The following MYO5B variants were observed in gnomAD, a reference collection of about 807,000 sequenced individuals.
MYO5B encodes the protein unconventional myosin-Vb.
A neutral mutation model predicts 229.3 loss-of-function variants in MYO5B; 143 were observed. That is an observed-to-expected ratio of 0.62 (90% CI 0.54 to 0.72). The LOEUF (loss-of-function observed/expected upper bound fraction) is 0.72. Among genes scored for constraint, MYO5B ranks in the 30% least tolerant of loss-of-function variants. The pLI, the probability that MYO5B is intolerant of heterozygous loss-of-function variation, is 0.00. For missense variants in MYO5B, 2,321 were observed against 2,331.0 expected, an observed-to-expected ratio of 1.00 and a Z score of 0.09; for synonymous variants, 918 against 885.2, an observed-to-expected ratio of 1.04 and a Z score of -0.66.
chr18:49,985,552 A>G (rs1476458452), intron 7 of MYO5B, among the ~76,000 whole-genome samples: 1 of 152,216 alleles, frequency 6.6e-6, no homozygotes, highest in Non-Finnish European at 1.5e-5. Flanking sequence ...AGCAGGGCTT[A>G]AAAGTGAGCA....
intron 1 of MYO5B, among the ~76,000 whole-genome samples, chr18:50,092,341 T>C (rs1164019180): frequency 6.6e-6 from 1 of 152,026 alleles, no homozygotes; most frequent in Non-Finnish European, 1.5e-5. Flanking sequence ...GAAGAATGGG[T>C]CTTGCATTTG....
chr18:50,059,297 G>A (rs896971187), intron 1 of MYO5B, among the ~76,000 whole-genome samples: 7 of 152,190 alleles, frequency 4.6e-5, no homozygotes, highest in African/African-American at 1.7e-4. Context: ...ACATGGAGAT[G>A]TAGCTCCTGA....
At chr18:50,056,972 T>C (rs2144420618) in intron 1 of MYO5B, among the ~76,000 whole-genome samples, 1 of 152,342 alleles carries the variant, frequency 6.6e-6, no homozygotes, top group Non-Finnish European at 1.5e-5. Flanking sequence ...ACCTTCTCCC[T>C]GCTTCTTAAG....
intron 27 of MYO5B, among the ~76,000 whole-genome samples, chr18:49,868,061 CAT>C (rs1316991395): frequency 6.6e-6 from 1 of 151,446 alleles, no homozygotes; most frequent in African/African-American, 2.4e-5. Flanking sequence ...TTTACAAAGA[CAT>C]GTAGAAAAAT....
chr18:50,167,053 C>A (rs987330952), intron 1 of MYO5B, among the ~76,000 whole-genome samples: 1 of 152,186 alleles, frequency 6.6e-6, no homozygotes, highest in Non-Finnish European at 1.5e-5. Flanking sequence ...AAGATCTAAA[C>A]GAGTTAACTG....
intron 10 of MYO5B, among the ~76,000 whole-genome samples, chr18:49,974,052 C>T (rs1417998437): frequency 6.6e-6 from 1 of 152,192 alleles, no homozygotes; most frequent in East Asian, 1.9e-4. Flanking sequence ...CCTCTCTTGG[C>T]CTCACTTTCT....
chr18:49,907,056 AGAAG>A (rs1331820260), intron 18 of MYO5B, among the ~76,000 whole-genome samples: 1 of 152,150 alleles, frequency 6.6e-6, no homozygotes, highest in Non-Finnish European at 1.5e-5. Context: ...ACCACAGAAA[AGAAG>A]GAAGGAGGAA....
At chr18:49,935,540 G>A (rs1178401143) in intron 16 of MYO5B, among the ~76,000 whole-genome samples, 1 of 152,208 alleles carries the variant, frequency 6.6e-6, no homozygotes, top group Non-Finnish European at 1.5e-5. Flanking sequence ...CATTCTTGGG[G>A]GGTGGCAGGA....
At chr18:50,069,041 AT>A (rs1322087699) in intron 1 of MYO5B, among the ~76,000 whole-genome samples, 8 of 152,238 alleles carry the variant, frequency 5.3e-5, no homozygotes, top group Admixed American at 4.6e-4. Context: ...AGGTTCTATC[AT>A]TATTTAGCAG....
chr18:50,098,548 G>A (rs1341784072), intron 1 of MYO5B, among the ~76,000 whole-genome samples: 7 of 152,188 alleles, frequency 4.6e-5, no homozygotes, highest in Non-Finnish European at 7.3e-5. Context: ...GCTTTGAAAA[G>A]GTAAATGTCC....
chr18:50,051,928 G>C (rs1019838485), intron 2 of MYO5B, among the ~76,000 whole-genome samples: 1 of 152,182 alleles, frequency 6.6e-6, no homozygotes, highest in Admixed American at 6.5e-5. Flanking sequence ...TGTAAAAGAG[G>C]AAGAGTTCTG....
chr18:49,944,829 G>C (rs532337143), intron 14 of MYO5B, among the ~76,000 whole-genome samples: 3 of 152,076 alleles, frequency 2.0e-5, no homozygotes, highest in Admixed American at 2.0e-4. Context: ...CCTCGAGCAA[G>C]GCATCCACAG....
At chr18:49,945,565 C>T (rs1192106545) in intron 14 of MYO5B, among the ~76,000 whole-genome samples, 2 of 152,148 alleles carry the variant, frequency 1.3e-5, no homozygotes, top group African/African-American at 4.8e-5. Context: ...TCCGGGCACA[C>T]CTTCACCCAA....
At chr18:49,962,728 G>A (rs1289228108) in intron 11 of MYO5B, among the ~76,000 whole-genome samples, 2 of 151,870 alleles carry the variant, frequency 1.3e-5, no homozygotes, top group Non-Finnish European at 1.5e-5. Flanking sequence ...CAAAGCCAAA[G>A]AGAAGATCAT....
At chr18:49,930,357 T>C (rs1024018282) in intron 16 of MYO5B, among the ~76,000 whole-genome samples, 1 of 152,210 alleles carries the variant, frequency 6.6e-6, no homozygotes, top group Admixed American at 6.5e-5. Flanking sequence ...CAGAGATATG[T>C]GCACCATTTT....
chr18:49,980,630 A>ATTT, intron 8 of MYO5B, 77 bp from the exon 9 acceptor site: 1 of 893,034 alleles, frequency 1.1e-6, no homozygotes, highest in Non-Finnish European at 1.7e-6. Context: ...TTTTAAGGAC[A>ATTT]TTTTTTTTTT....
At chr18:49,897,824 T>C (rs1190239683) in intron 21 of MYO5B, among the ~76,000 whole-genome samples, 3 of 152,250 alleles carry the variant, frequency 2.0e-5, no homozygotes, top group Admixed American at 6.5e-5. Context: ...ATAAAGTCGA[T>C]AGGAGTGGAC....
Position 49,937,329 on chromosome 18 carries a change from C to T in MYO5B, c.1821G>A (p.Gly607=), listed in dbSNP as rs1161637657. 6.2e-7 allele frequency: 1 copy of T among 1,614,138 alleles called. No individual in the cohort carries two copies. The highest frequency in any genetic ancestry group is 1.7e-5 in the Admixed American group (1 of 60,022). ...AACGGACGCTGATCTTCGAAGATGACCCCTTCCCAGGGGTGGTGGCAGGAA... is the reference window on the plus strand; with the variant it reads ...AACGGACGCTGATCTTCGAAGATGATCCCTTCCCAGGGGTGGTGGCAGGAA... ...DPVPATTPGK[G]SSSKISVRSA... is the part of the protein sequence containing the mutation. The change falls in exon 15 of 40, where the codon GGG becomes GGA. Residue 607 remains glycine, a synonymous_variant. Transcript: ENST00000285039.
intron 4 of MYO5B, among the ~76,000 whole-genome samples, chr18:50,014,278 G>GAA (rs374397757): frequency 0.028 from 1,566 of 55,490 alleles, 34 homozygotes; most frequent in African/African-American, 0.055. Flanking sequence ...GATGAGAAAG[G>GAA]AAAAAAAAAA....
Sources: allele counts gnomAD v4.1 joint callset (sites outside exome capture counted in the v4.1 genomes callset), GRCh38; gene constraint gnomAD v4.1.1; transcripts MANE v1.5; gene names NCBI Gene and HGNC (gene_info 2026-07-23, HGNC 2026-07-21).